Variants in PCDHB15 observed in about 807,000 individuals in gnomAD.
PCDHB15 encodes the protein protocadherin beta-15.
For missense variants in PCDHB15, 1,032 were observed against 991.7 expected, an observed-to-expected ratio of 1.04 and a Z score of -0.55; for synonymous variants, 492 against 447.9, an observed-to-expected ratio of 1.10 and a Z score of -1.24.
Position 141,247,210 on chromosome 5 carries a change from G to A in PCDHB15, c.1632G>A (p.Glu544=), listed in dbSNP as rs112457389. 8,709 of 1,612,360 alleles carry A rather than the reference G, an allele frequency of 5.4e-3. 55 individuals are homozygous for A. The highest frequency in any genetic ancestry group is 0.02 in the African/African-American group (1,497 of 75,018). ...TDRGFPALSS[E]ALVRVLVLDA... is the part of the protein sequence containing the mutation. ...GCGGCTTCCCGGCGCTGAGCAGCGA[G>A]GCGCTGGTGCGAGTGCTGGTGCTGG... Residue 544 remains glutamate (E), a synonymous_variant, in exon 1 of 1, where the codon GAG becomes GAA. Coordinates refer to ENST00000231173, the MANE Select transcript of PCDHB15 (RefSeq NM_018935.4).
rs148041331 is a variant in PCDHB15, at chr5:141,246,555, G to A, written c.977G>A (p.Gly326Glu). Residue 326 changes from glycine to glutamate, a missense_variant, in exon 1 of 1, where the codon GGA becomes GAA. Gly to Glu is a moderately conservative substitution (Grantham distance 98). Coordinates refer to ENST00000231173, the MANE Select transcript of PCDHB15 (RefSeq NM_018935.4). ...GATATAGAGGCATCTGATGGCGGGG[G>A]ACTTTCTGGAAAATGCTCTGTCTCT... The part of the protein sequence containing the change: ...DLDIEASDGG[G>E]LSGKCSVSVK... 32 of 1,614,004 alleles carry A rather than the reference G, an allele frequency of 2.0e-5. 1 individual carries two copies. The Admixed American group carries it at 2.7e-4, about 13-fold the overall frequency.
rs1405221033 is a variant in PCDHB15 at position 141,248,047 on chromosome 5, A to C, written c.*105A>C. 1.1e-5 allele frequency: 12 copies of C among 1,109,280 alleles called. No homozygotes were observed. Among genetic ancestry groups the C allele is most frequent in the East Asian group, 2.7e-5 (1 of 37,612 alleles). 68.7% of individuals were successfully genotyped at this position (1,109,280 alleles called of 1,614,324 possible). On this transcript the variant is annotated 3_prime_UTR_variant, in exon 1 of 1. Transcript: ENST00000231173. ...TAATCTTGAATTCTACTTTTTTTTA[A>C]ATTTCTACTGTTGTCTTTAGTAATG...
At position 141,247,917 on chromosome 5, in the gene PCDHB15, G is replaced by C; in HGVS notation, c.2339G>C (p.Arg780Thr). 6.2e-7 allele frequency: 1 copy of C among 1,605,374 alleles called. No homozygotes were observed. The highest frequency in any genetic ancestry group is 8.5e-7 in the Non-Finnish European group (1 of 1,175,172). Residue 780 changes from arginine (R) to threonine (T), a missense_variant, in exon 1 of 1, where the codon AGG (arginine) becomes ACG (threonine). Physicochemically the swap from Arg to Thr is moderately conservative, Grantham distance 71. Transcript: ENST00000231173. The stretch of plus-strand genomic sequence containing the variant: ...CCAAATATTGTAAGCCAGGACTCTA[G>C]GAGGAAATCAGAATTTCTAGAATAA... ...IFPNIVSQDSRRKSEFLE is the reference protein window; with the variant it reads ...IFPNIVSQDSTRKSEFLE
chr5:141,247,674 C>T lies in PCDHB15; in HGVS notation c.2096C>T (p.Ser699Leu), dbSNP rs782505847. Residue 699 changes from serine (S) to leucine (L), a missense_variant, in exon 1 of 1, where the codon TCG (serine) becomes TTG (leucine). By Grantham distance (145) the Ser-to-Leu change is moderately radical. Coordinates refer to ENST00000231173, the MANE Select transcript of PCDHB15 (RefSeq NM_018935.4). ...YLVVALASVS[S>L]LFLFSVFLFV... ...GTGGTGGCATTGGCCTCGGTGTCTT[C>T]GCTCTTCCTCTTCTCGGTGTTCCTG... is the stretch of plus-strand genomic sequence containing the variant. 6.2e-7 allele frequency: 1 copy of T among 1,610,470 alleles called. No homozygotes were observed. Among genetic ancestry groups the T allele is most frequent in the Non-Finnish European group, 8.5e-7 (1 of 1,179,884 alleles).
In PCDHB15 at chr5:141,245,585, C is replaced by T. The variant is rs1554291736; in HGVS notation, c.7C>T (p.Pro3Ser). 19 of 1,613,596 alleles carry T rather than the reference C, an allele frequency of 1.2e-5. No homozygotes were observed. The highest frequency in any genetic ancestry group is 2.7e-5 in the African/African-American group (2 of 74,916). ...GGCGTGTACAGAAGTAAAGATGGAG[C>T]CTGCAGGGGAGCGCTTTCCCGAACA... ME[P>S]AGERFPEQRQ... is the part of the protein sequence containing the mutation. Residue 3 changes from proline to serine, a missense_variant, in exon 1 of 1, where the codon CCT becomes TCT. Transcript: ENST00000231173.
chr5:141,248,468 C>T lies in PCDHB15; in HGVS notation c.*526C>T, dbSNP rs1554292458. The stretch of plus-strand genomic sequence containing the variant: ...TTAAGCTACTCTTTTCAAGGTCACA[C>T]TTGTAAGCATTAGATTTTCATTCTA... On this transcript the variant is annotated 3_prime_UTR_variant, in exon 1 of 1. Transcript: ENST00000231173. 6.6e-6 allele frequency: 1 copy of T among 152,652 alleles called. No individual in the cohort carries two copies. Among genetic ancestry groups the T allele is most frequent in the East Asian group, 1.9e-4 (1 of 5,208 alleles). The allele number at this position is 152,652 out of a possible 1,614,324, so 9.5% of individuals were successfully genotyped here. A position where few individuals can be genotyped will look rare whatever the true frequency, so the allele number is the denominator to read the frequency against.
rs1554291774 is a variant in PCDHB15, at chr5:141,245,728, T to C, written c.150T>C (p.Asn50=). ...GTTCTTTTGTAGCCAACCTGGCCAA[T>C]GACCTAGGGCTGGGAGTGGGGGAGC... ...ERGSFVANLA[N]DLGLGVGELA... is the part of the protein sequence containing the mutation. The change falls in exon 1 of 1, where the codon AAT becomes AAC. Residue 50 remains asparagine (N), a synonymous_variant. Coordinates refer to ENST00000231173, the MANE Select transcript of PCDHB15 (RefSeq NM_018935.4). 12 of 1,613,902 alleles carry C rather than the reference T, an allele frequency of 7.4e-6. No individual in the cohort carries two copies. In the East Asian group the frequency reaches 2.2e-4, roughly 30 times the overall value.
chr5:141,247,640 G>A lies in PCDHB15; in HGVS notation c.2062G>A (p.Val688Ile), dbSNP rs782807853. The change falls in exon 1 of 1, where the codon GTC becomes ATC. Residue 688 changes from valine to isoleucine, a missense_variant. Coordinates refer to ENST00000231173, the MANE Select transcript of PCDHB15 (RefSeq NM_018935.4). ...PAQAQADSLT[V>I]YLVVALASVS... The stretch of plus-strand genomic sequence containing the variant: ...CCAAGCCCAGGCCGACTCGCTTACC[G>A]TCTACCTGGTGGTGGCATTGGCCTC... The A allele has an allele frequency of 1.2e-6, 2 of 1,610,328 alleles. No individual in the cohort carries two copies. Among genetic ancestry groups the A allele is most frequent in the Admixed American group, 1.7e-5 (1 of 60,024 alleles).
chr5:141,245,443 G>A lies in PCDHB15; in HGVS notation c.-136G>A. The A allele has an allele frequency of 1.4e-6, 1 of 718,210 alleles. No homozygotes were observed. Among genetic ancestry groups the A allele is most frequent in the Admixed American group, 2.9e-5 (1 of 35,030 alleles). 44.5% of individuals were successfully genotyped at this position (718,210 alleles called of 1,614,324 possible). On this transcript the variant is annotated 5_prime_UTR_variant, in exon 1 of 1. The change creates a new upstream start codon in the 5' untranslated region. Transcript: ENST00000231173. ...AAGCCTGTTAGCAGAGCACGGACCA[G>A]TGTCTCCGGAGAATGCTATTCTCCT...
rs17844636 is a variant in PCDHB15, at chr5:141,247,498, A to G, written c.1920A>G (p.Leu640=). ...LSERDVAKHR[L]VVLVKDNGEP... is the part of the protein sequence containing the mutation. Reference sequence around the variant, plus strand: ...AGCGCGACGTGGCCAAGCACAGGCTAGTGGTGCTGGTCAAGGACAATGGCG... The same window carrying G: ...AGCGCGACGTGGCCAAGCACAGGCTGGTGGTGCTGGTCAAGGACAATGGCG... Residue 640 remains leucine (L), a synonymous_variant, in exon 1 of 1, where the codon CTA becomes CTG. Coordinates refer to ENST00000231173, the MANE Select transcript of PCDHB15 (RefSeq NM_018935.4). 835 of 1,608,928 alleles carry G rather than the reference A, an allele frequency of 5.2e-4. 3 individuals carry two copies. Among genetic ancestry groups the G allele is most frequent in the East Asian group, 3.9e-3 (175 of 44,868 alleles).
chr5:141,247,265 T>G lies in PCDHB15; in HGVS notation c.1687T>G (p.Tyr563Asp), dbSNP rs782674854. Residue 563 changes from tyrosine (Y) to aspartate (D), a missense_variant, in exon 1 of 1, where the codon TAC becomes GAC. Tyr to Asp is a radical substitution (Grantham distance 160). Coordinates refer to ENST00000231173, the MANE Select transcript of PCDHB15 (RefSeq NM_018935.4). ...CAACGACAACTCGCCCTTCGTGCTG[T>G]ACCCGCTGCAGAACGGCTCCGCGCC... ...DANDNSPFVLYPLQNGSAPCT... is the reference protein window; with the variant it reads ...DANDNSPFVLDPLQNGSAPCT... The G allele has an allele frequency of 7.5e-5, 121 of 1,611,090 alleles. No homozygotes were observed. Among genetic ancestry groups the G allele is most frequent in the Non-Finnish European group, 9.9e-5 (117 of 1,179,550 alleles).
At position 141,248,183 on chromosome 5, in the gene PCDHB15, A is replaced by G. The variant is rs1755328360; in HGVS notation, c.*241A>G. 3.1e-6 allele frequency: 1 copy of G among 322,666 alleles called. No homozygotes were observed. The highest frequency in any genetic ancestry group is 6.2e-5 in the East Asian group (1 of 16,172). The allele number at this position is 322,666 out of a possible 1,614,324, so 20.0% of individuals were successfully genotyped here. A position where few individuals can be genotyped will look rare whatever the true frequency, so the allele number is the denominator to read the frequency against. On this transcript the variant is annotated 3_prime_UTR_variant, in exon 1 of 1. Transcript: ENST00000231173. ...ATAAATTAATAGTATTCATTCCTGA[A>G]GGGTGATATGAAAGTTAACCCCACC...
Position 141,247,636 on chromosome 5 carries a change from T to C in PCDHB15, c.2058T>C (p.Leu686=), listed in dbSNP as rs142621089. The change falls in exon 1 of 1, where the codon CTT becomes CTC. Residue 686 remains leucine, a synonymous_variant. Transcript: ENST00000231173. ...CGGCCCAAGCCCAGGCCGACTCGCT[T>C]ACCGTCTACCTGGTGGTGGCATTGG... is the stretch of plus-strand genomic sequence containing the variant. ...AAPAQAQADS[L]TVYLVVALAS... 4.9e-5 allele frequency: 79 copies of C among 1,610,322 alleles called. No homozygotes were observed. Among genetic ancestry groups the C allele is most frequent in the African/African-American group, 4.8e-4 (36 of 74,972 alleles).
At position 141,248,114 on chromosome 5, in the gene PCDHB15, G is replaced by C; in HGVS notation, c.*172G>C. 1.9e-6 allele frequency: 1 copy of C among 519,138 alleles called. No homozygotes were observed. Among genetic ancestry groups the C allele is most frequent in the Non-Finnish European group, 3.2e-6 (1 of 313,232 alleles). The allele number at this position is 519,138 out of a possible 1,614,324, so 32.2% of individuals were successfully genotyped here. ...TCTGATTGTTAGTTTTCAAATTATT[G>C]TATTATTATAAATATTTTATATCAG... is the stretch of plus-strand genomic sequence containing the variant. On this transcript the variant is annotated 3_prime_UTR_variant, in exon 1 of 1. Coordinates refer to ENST00000231173, the MANE Select transcript of PCDHB15 (RefSeq NM_018935.4).
chr5:141,247,782 A>T lies in PCDHB15; in HGVS notation c.2204A>T (p.His735Leu), dbSNP rs1755318575. ...GTGCCCGAGGGCCCCTTTCCAGGGC[A>T]TCTGGTGGACGTGAGCGGCACCGGG... ...CSVPEGPFPG[H>L]LVDVSGTGTL... The change falls in exon 1 of 1, where the codon CAT becomes CTT. Residue 735 changes from histidine (H) to leucine (L), a missense_variant. By Grantham distance (99) the His-to-Leu change is moderately conservative. Coordinates refer to ENST00000231173, the MANE Select transcript of PCDHB15 (RefSeq NM_018935.4). 5 of 1,614,076 alleles carry T rather than the reference A, an allele frequency of 3.1e-6. No individual in the cohort carries two copies. Among genetic ancestry groups the T allele is most frequent in the Non-Finnish European group, 4.2e-6 (5 of 1,180,042 alleles).
chr5:141,246,242 C>T lies in PCDHB15; in HGVS notation c.664C>T (p.Arg222Ter), dbSNP rs782451446. Residue 222 changes from arginine (R) to a stop codon, truncating the protein, a stop_gained, in exon 1 of 1, where the codon CGA becomes TGA. Transcript: ENST00000231173. LOFTEE classifies it low-confidence loss of function (END_TRUNC). ...LTAVDGGSPP[R>*]SGTVQILILV... The stretch of plus-strand genomic sequence containing the variant: ...AGCGGTGGACGGTGGCTCTCCACCC[C>T]GATCTGGCACCGTCCAGATCCTCAT... The T allele has an allele frequency of 1.2e-6, 2 of 1,613,972 alleles. No individual in the cohort carries two copies. Among genetic ancestry groups the T allele is most frequent in the East Asian group, 2.2e-5 (1 of 44,874 alleles).
chr5:141,246,027 CTG>C lies in PCDHB15; in HGVS notation c.453_454del (p.Phe152SerfsTer14). 1.2e-6 allele frequency: 2 copies of C among 1,614,152 alleles called. No homozygotes were observed. Among genetic ancestry groups the C allele is most frequent in the Non-Finnish European group, 1.7e-6 (2 of 1,180,032 alleles). On this transcript the variant is annotated frameshift_variant, in exon 1 of 1. Transcript: ENST00000231173. LOFTEE classifies it low-confidence loss of function (END_TRUNC). ...ATCCCAGAAACTAGCTCCCTTGGGA[CTG>C]TGTTTCCTCTGAAAAAAGCTCGGGA... is the stretch of plus-strand genomic sequence containing the variant.
rs1294062607 is a variant in PCDHB15 at position 141,248,614 on chromosome 5, G to A, written c.*672G>A. Reference sequence around the variant, plus strand: ...TATCTAATGTTATGATCCTATTGGGGGGACTGGACAGGCTTTCTAATACCC... The same window carrying A: ...TATCTAATGTTATGATCCTATTGGGAGGACTGGACAGGCTTTCTAATACCC... On this transcript the variant is annotated 3_prime_UTR_variant, in exon 1 of 1. Coordinates refer to ENST00000231173, the MANE Select transcript of PCDHB15 (RefSeq NM_018935.4). 1 of 152,172 alleles carries A rather than the reference G, an allele frequency of 6.6e-6. No individual in the cohort carries two copies. The highest frequency in any genetic ancestry group is 1.9e-4 in the East Asian group (1 of 5,188). The allele number at this position is 152,172 out of a possible 1,614,324, so 9.4% of individuals were successfully genotyped here. A position where few individuals can be genotyped will look rare whatever the true frequency, so the allele number is the denominator to read the frequency against.
Position 141,247,918 on chromosome 5 carries a change from G to A in PCDHB15, c.2340G>A (p.Arg780=). 7 of 1,604,630 alleles carry A rather than the reference G, an allele frequency of 4.4e-6. No individual in the cohort carries two copies. The highest frequency in any genetic ancestry group is 3.3e-5 in the South Asian group (3 of 90,546). ...CAAATATTGTAAGCCAGGACTCTAG[G>A]AGGAAATCAGAATTTCTAGAATAAT... ...IFPNIVSQDS[R]RKSEFLE Residue 780 remains arginine, a synonymous_variant, in exon 1 of 1, where the codon AGG becomes AGA. Transcript: ENST00000231173.
Sources: allele counts gnomAD v4.1 joint callset, GRCh38; gene constraint gnomAD v4.1.1; transcripts MANE v1.5; gene names NCBI Gene and HGNC (gene_info 2026-07-23, HGNC 2026-07-21).